ADD1: variants seen among roughly 807,000 people sequenced by gnomAD.
ADD1 encodes adducin 1.
ADD1 carries 24 observed loss-of-function variants against 80.5 expected under a neutral mutation model. That is an observed-to-expected ratio of 0.30 (90% CI 0.22 to 0.42). ADD1 has a LOEUF of 0.42. Ranked by LOEUF, ADD1 falls within the 10% of genes least tolerant of loss-of-function variation. The pLI is 1.00. For missense variants in ADD1, 948 were observed against 1,019.0 expected, an observed-to-expected ratio of 0.93 and a Z score of 0.95; for synonymous variants, 373 against 393.8, an observed-to-expected ratio of 0.95 and a Z score of 0.63.
chr4:2,920,969 G>A (rs576947515), intron 14 of ADD1, among the ~76,000 whole-genome samples: 1 of 152,264 alleles, frequency 6.6e-6, no homozygotes, highest in African/African-American at 2.4e-5. Flanking sequence ...TGCAGTGGGT[G>A]GAACTGGTTT....
Position 2,894,038 on chromosome 4 carries a change from A to G in ADD1, c.536A>G (p.His179Arg), listed in dbSNP as rs1734748524. Residue 179 changes from histidine (H) to arginine (R), a missense_variant, in exon 5 of 16, where the codon CAC becomes CGC. Transcript: ENST00000683351. ...ITTRVNSEQE[H>R]FLIVPFGLLY... ...ACCAGAGTGAACTCCGAGCAGGAAC[A>G]CTTCCTCATTGTCCCTTTTGGGCTT... 4 of 1,614,214 alleles carry G rather than the reference A, an allele frequency of 2.5e-6. No individual in the cohort carries two copies. The highest frequency in any genetic ancestry group is 3.4e-6 in the Non-Finnish European group (4 of 1,180,032).
chr4:2,865,803 C>T (rs1367406769), intron 1 of ADD1, among the ~76,000 whole-genome samples: 1 of 152,022 alleles, frequency 6.6e-6, no homozygotes, highest in Non-Finnish European at 1.5e-5. Flanking sequence ...TTCATCACTT[C>T]AACAAAACTA....
chr4:2,885,734 C>T (rs1024444399), intron 4 of ADD1, among the ~76,000 whole-genome samples: 10 of 152,126 alleles, frequency 6.6e-5, no homozygotes, highest in East Asian at 3.9e-4. Flanking sequence ...CTCAGCCTCC[C>T]GAGTAGCTGG....
intron 1 of ADD1, among the ~76,000 whole-genome samples, chr4:2,864,049 C>A (rs189714468): frequency 1.3e-5 from 2 of 152,338 alleles, no homozygotes; most frequent in Admixed American, 1.3e-4. Context: ...GGGTAAGACA[C>A]AATCTCCGAG....
At position 2,858,531 on chromosome 4, in the gene ADD1, G is replaced by A. The variant is rs140876173; in HGVS notation, c.-21+14507G>A. On this transcript the variant is annotated intron_variant, in intron 1 of 15. Coordinates refer to ENST00000683351, the MANE Select transcript of ADD1 (RefSeq NM_001354761.2). ...ATTTATTAATCAGCATTGCAAGGCT[G>A]GTGGAATTTTGATAAACACCCAAAC... is the stretch of plus-strand genomic sequence containing the variant. Among the ~76,000 whole-genome samples, 166 of 152,316 alleles carry A rather than the reference G, an allele frequency of 1.1e-3. 1 individual carries two copies. The highest frequency in any genetic ancestry group is 3.6e-3 in the Admixed American group (55 of 15,300).
intron 1 of ADD1, among the ~76,000 whole-genome samples, chr4:2,851,162 C>T (rs1383998886): frequency 6.6e-6 from 1 of 152,136 alleles, no homozygotes; most frequent in East Asian, 1.9e-4. Flanking sequence ...ATCCTCCCCA[C>T]CTCAGCCTCC....
intron 1 of ADD1, among the ~76,000 whole-genome samples, chr4:2,863,798 G>A (rs754053366): frequency 6.6e-5 from 10 of 151,938 alleles, no homozygotes; most frequent in Non-Finnish European, 1.5e-4. Flanking sequence ...CAAACTCCTG[G>A]GCTGAAGAGA....
intron 1 of ADD1, among the ~76,000 whole-genome samples, chr4:2,855,246 A>G (rs2108802823): frequency 6.6e-6 from 1 of 152,320 alleles, no homozygotes; most frequent in East Asian, 1.9e-4. Flanking sequence ...TACTCAGCTT[A>G]CTAAAAGAGT....
chr4:2,904,981 G>A lies in ADD1; in HGVS notation c.1379G>A (p.Gly460Glu), dbSNP rs1404386821. 5 of 1,614,162 alleles carry A rather than the reference G, an allele frequency of 3.1e-6. No individual in the cohort carries two copies. The highest frequency in any genetic ancestry group is 8.5e-7 in the Non-Finnish European group (1 of 1,180,026). Residue 460 changes from glycine (G) to glutamate (E), a missense_variant, in exon 10 of 16, where the codon GGG (glycine) becomes GAG (glutamate). Transcript: ENST00000683351. ...SGRGDEASEE[G>E]QNGSSPKSKT... is the part of the protein sequence containing the mutation. ...CGGGGCGACGAAGCTTCCGAGGAAG[G>A]GCAGAATGGAAGCAGTCCCAAGTCG...
chr4:2,883,588 C>T (rs79054532), intron 3 of ADD1, among the ~76,000 whole-genome samples: 36,682 of 151,972 alleles, frequency 0.24, 4,829 homozygotes, highest in Non-Finnish European at 0.28. Flanking sequence ...TGCTGGAGTA[C>T]AGTGGCACGA....
At chr4:2,891,124 TA>T (rs373441690) in intron 4 of ADD1, among the ~76,000 whole-genome samples, 326 of 145,372 alleles carry the variant, frequency 2.2e-3, no homozygotes, top group South Asian at 4.4e-3. Context: ...GTCTCTATTT[TA>T]AAAAAAAAAA....
intron 14 of ADD1, among the ~76,000 whole-genome samples, chr4:2,924,440 C>T (rs1740620361): frequency 1.3e-5 from 2 of 152,160 alleles, no homozygotes; most frequent in South Asian, 4.1e-4. Context: ...CAGGAGGCTC[C>T]CGCCAGCATC....
intron 1 of ADD1, among the ~76,000 whole-genome samples, chr4:2,856,650 G>A (rs1279377485): frequency 7.0e-6 from 1 of 143,276 alleles, no homozygotes; most frequent in Non-Finnish European, 1.5e-5. Context: ...GGAGTGCTGT[G>A]GCATGAACTC....
At chr4:2,924,894 C>T (rs1391276136) in intron 14 of ADD1, among the ~76,000 whole-genome samples, 1 of 152,134 alleles carries the variant, frequency 6.6e-6, no homozygotes, top group Non-Finnish European at 1.5e-5. Context: ...ATGTGTCTGC[C>T]CTTTGGAGTC....
chr4:2,915,529 T>C (rs1738852275), intron 14 of ADD1, among the ~76,000 whole-genome samples: 1 of 152,176 alleles, frequency 6.6e-6, no homozygotes, highest in South Asian at 2.1e-4. Context: ...TAGTCCCAGC[T>C]ACTTGGGAGG....
chr4:2,910,477 C>T lies in ADD1; in HGVS notation c.1791+1046C>T, dbSNP rs1196323859. Among the ~76,000 whole-genome samples, 9 of 152,284 alleles carry T rather than the reference C, an allele frequency of 5.9e-5. No homozygotes were observed. The South Asian group carries it at 1.9e-3, about 32-fold the overall frequency. On this transcript the variant is annotated intron_variant, in intron 13 of 15. Transcript: ENST00000683351. ...CCATTCTTGGAAGAGCTTCTCAGAG[C>T]AGGGGAGAAAGATGACTCTGCCTGT...
At chr4:2,846,435 CTT>C (rs1007886171) in intron 1 of ADD1, among the ~76,000 whole-genome samples, 1 of 152,162 alleles carries the variant, frequency 6.6e-6, no homozygotes, top group African/African-American at 2.4e-5. Flanking sequence ...GATTAGTAGT[CTT>C]TGTTCGCAGC....
At chr4:2,891,717 G>A (rs1396346464) in intron 4 of ADD1, among the ~76,000 whole-genome samples, 3 of 152,134 alleles carry the variant, frequency 2.0e-5, no homozygotes, top group Non-Finnish European at 4.4e-5. Flanking sequence ...GGAGCTCAGG[G>A]TGCCCAGAAC....
In ADD1 at chr4:2,846,887, G is replaced by A. The variant is rs561653971; in HGVS notation, c.-21+2863G>A. On this transcript the variant is annotated intron_variant, in intron 1 of 15. Transcript: ENST00000683351. ...AATCCCAGCACTTTGGGAGGCCGAGGCGGGCGGATCATGAGGTCAGGAGAT... is the reference window on the plus strand; with the variant it reads ...AATCCCAGCACTTTGGGAGGCCGAGACGGGCGGATCATGAGGTCAGGAGAT... Among the ~76,000 whole-genome samples the A allele has an allele frequency of 4.5e-4, 68 of 151,940 alleles. 2 individuals are homozygous for A. Among genetic ancestry groups the A allele is most frequent in the Middle Eastern group, 3.4e-3 (1 of 290 alleles).
Sources: gnomAD v4.1 joint callset for allele counts (sites outside exome capture counted in the v4.1 genomes callset) on GRCh38, gnomAD v4.1.1 for gene constraint, MANE v1.5 for transcripts, NCBI Gene and HGNC (gene_info 2026-07-23, HGNC 2026-07-21) for gene names.